The following EPHA4 variants were observed in gnomAD, a reference collection of about 807,000 sequenced individuals.
EPHA4 encodes ephrin type-A receptor 4.
In EPHA4, 19 loss-of-function variants were observed where a neutral mutation model predicts 108.3. That is an observed-to-expected ratio of 0.18 (90% CI 0.12 to 0.26). The LOEUF (loss-of-function observed/expected upper bound fraction) is 0.26, where lower values mean the gene tolerates loss of function less well. EPHA4 is among the 10% of genes least tolerant of loss of function. The pLI is 1.00. For synonymous variants in EPHA4, 449 were observed against 455.5 expected (o/e 0.99, Z 0.18); for missense variants, 917 against 1,254.0 (o/e 0.73, Z 4.06).
intron 8 of EPHA4, 118 bp downstream of exon 8, chr2:221,455,429 G>A (rs1690914529): frequency 1.4e-6 from 1 of 738,980 alleles, no homozygotes. Context: ...GGAAACTTGG[G>A]ATGCAGATGC....
At chr2:221,532,179 G>C (rs1396556036) in intron 3 of EPHA4, among the ~76,000 whole-genome samples, 2 of 151,664 alleles carry the variant, frequency 1.3e-5, no homozygotes, top group African/African-American at 4.8e-5. Context: ...CTGGAGTGCA[G>C]TGGCATGATC....
chr2:221,456,264 A>G (rs1453599545), intron 7 of EPHA4, among the ~76,000 whole-genome samples: 2 of 152,062 alleles, frequency 1.3e-5, no homozygotes, highest in Non-Finnish European at 2.9e-5. Flanking sequence ...TAATCTTCTC[A>G]GGGAGAAAAT....
chr2:221,432,642 G>A (rs549072591), intron 14 of EPHA4, among the ~76,000 whole-genome samples: 4 of 144,826 alleles, frequency 2.8e-5, no homozygotes, highest in African/African-American at 7.7e-5. Flanking sequence ...CTATTGCACC[G>A]AACATTTTTT....
In EPHA4 at chr2:221,522,126, C is replaced by A. The variant is rs145625361; in HGVS notation, c.824-20954G>T. On this transcript the variant is annotated intron_variant, in intron 3 of 17. Coordinates refer to ENST00000281821, the MANE Select transcript of EPHA4 (RefSeq NM_004438.5). Reference sequence around the variant, plus strand: ...ATATGCATTCTCATTTAATTCTCACCATTTTCCCTTGATATAGACATTGCC... The same window carrying A: ...ATATGCATTCTCATTTAATTCTCACAATTTTCCCTTGATATAGACATTGCC... Among the ~76,000 whole-genome samples the A allele has an allele frequency of 4.6e-3, 700 of 152,284 alleles. 1 individual carries two copies. The highest frequency in any genetic ancestry group is 0.014 in the Middle Eastern group (4 of 294).
At chr2:221,455,452 G>A (rs910029017) in intron 8 of EPHA4, 95 bp downstream of exon 8, 50 of 929,058 alleles carry the variant, frequency 5.4e-5, no homozygotes, top group Admixed American at 1.3e-4. Flanking sequence ...AGTTTATGAC[G>A]CAATCAAAAG....
chr2:221,535,532 T>G (rs1167821562), intron 3 of EPHA4, among the ~76,000 whole-genome samples: 2 of 152,218 alleles, frequency 1.3e-5, no homozygotes, highest in Non-Finnish European at 2.9e-5. Context: ...AAACCACCTA[T>G]CTACAAAGCA....
chr2:221,483,249 C>G (rs1317371622), intron 4 of EPHA4, among the ~76,000 whole-genome samples: 1 of 152,028 alleles, frequency 6.6e-6, no homozygotes, highest in Non-Finnish European at 1.5e-5. Context: ...AACGCGGTTG[C>G]AGAGATGTTG....
intron 3 of EPHA4, among the ~76,000 whole-genome samples, chr2:221,526,183 T>C (rs916312826): frequency 6.6e-6 from 1 of 152,168 alleles, no homozygotes; most frequent in African/African-American, 2.4e-5. Context: ...TGAGTAAATA[T>C]GGCTAATAAG....
chr2:221,549,405 GTCTC>G (rs149084369), intron 3 of EPHA4, among the ~76,000 whole-genome samples: 2 of 151,936 alleles, frequency 1.3e-5, no homozygotes, highest in Non-Finnish European at 1.5e-5. Context: ...TTATTTCTTG[GTCTC>G]TCTCTCTCAT....
intron 3 of EPHA4, among the ~76,000 whole-genome samples, chr2:221,512,734 T>G (rs1692865874): frequency 6.6e-6 from 1 of 152,240 alleles, no homozygotes; most frequent in African/African-American, 2.4e-5. Flanking sequence ...ATTAGGTATG[T>G]GCATTTATTC....
chr2:221,528,193 G>C (rs992777879), intron 3 of EPHA4, among the ~76,000 whole-genome samples: 1 of 152,150 alleles, frequency 6.6e-6, no homozygotes, highest in African/African-American at 2.4e-5. Context: ...CGTCTCTTAG[G>C]TGAAAGAGCA....
At chr2:221,551,184 C>G (rs1694148505) in intron 3 of EPHA4, among the ~76,000 whole-genome samples, 1 of 151,954 alleles carries the variant, frequency 6.6e-6, no homozygotes, top group Admixed American at 6.6e-5. Flanking sequence ...TATTTGCTCT[C>G]TAGAAAACTC....
intron 3 of EPHA4, among the ~76,000 whole-genome samples, chr2:221,517,682 C>T (rs1479402529): frequency 6.6e-6 from 1 of 152,124 alleles, no homozygotes; most frequent in East Asian, 1.9e-4. Flanking sequence ...AAGTGACATA[C>T]AAAGCAAATT....
intron 3 of EPHA4, among the ~76,000 whole-genome samples, chr2:221,552,394 G>C (rs1694187634): frequency 6.6e-6 from 1 of 152,152 alleles, no homozygotes; most frequent in Non-Finnish European, 1.5e-5. Flanking sequence ...ATGGCCAGCG[G>C]AGAAGCGATC....
chr2:221,443,522 C>T lies in EPHA4; in HGVS notation c.1859G>A (p.Cys620Tyr), dbSNP rs1238575951. 1 of 1,613,844 alleles carries T rather than the reference C, an allele frequency of 6.2e-7. No individual in the cohort carries two copies. The highest frequency in any genetic ancestry group is 2.2e-5 in the East Asian group (1 of 44,850). The change falls in exon 10 of 18, where the codon TGC becomes TAC. Residue 620 changes from cysteine (C) to tyrosine (Y), a missense_variant. By Grantham distance (194) the Cys-to-Tyr change is radical. Around this residue, in one of 3 missense-constraint regions of EPHA4, gnomAD observed 758 missense variants for 1,076.7 expected, o/e 0.70. Coordinates refer to ENST00000281821, the MANE Select transcript of EPHA4 (RefSeq NM_004438.5). ...REFAKEIDASCIKIEKVIGVG... is the reference protein window; with the variant it reads ...REFAKEIDASYIKIEKVIGVG... ...TCCTATAACTTTTTCAATCTTAATG[C>T]AGGATGCGTCAATTTCTTTGGCAAA...
chr2:221,573,737 G>A (rs550130901), upstream of EPHA4: 2 of 152,348 alleles, frequency 1.3e-5, no homozygotes, highest in African/African-American at 2.4e-5. The surrounding 1 kb of genome is among the most constrained non-coding windows in gnomAD (Gnocchi z 4.5). Flanking sequence ...CGGAGGAAGG[G>A]CGAGCGGACA....
intron 4 of EPHA4, among the ~76,000 whole-genome samples, chr2:221,487,996 G>T (rs1692027503): frequency 6.6e-6 from 1 of 152,018 alleles, no homozygotes; most frequent in Admixed American, 6.6e-5. Context: ...ACAGGGGCCG[G>T]CATAATTTCT....
Position 221,477,089 on chromosome 2 carries a change from T to C in EPHA4, c.1318+5263A>G, listed in dbSNP as rs180700440. ...ATTATTATTATTTTGCAGTTAATGC[T>C]TAATTGTCCAACCCTAGAGAACAAG... On this transcript the variant is annotated intron_variant, in intron 5 of 17. Transcript: ENST00000281821. Among the ~76,000 whole-genome samples the C allele has an allele frequency of 6.5e-4, 99 of 152,010 alleles. 1 individual carries two copies. The highest frequency in any genetic ancestry group is 2.0e-3 in the African/African-American group (82 of 41,486).
chr2:221,465,646 C>G (rs906327480), intron 5 of EPHA4, among the ~76,000 whole-genome samples: 6 of 152,032 alleles, frequency 3.9e-5, no homozygotes, highest in Non-Finnish European at 8.8e-5. Flanking sequence ...AGTGATTTCC[C>G]CTCTTCTAGA....
Sources: gnomAD v4.1 joint callset for allele counts (sites outside exome capture counted in the v4.1 genomes callset) on GRCh38, gnomAD v4.1.1 for gene constraint, gnomAD v4.1.1 regional missense constraint, Gnocchi (gnomAD v3.1) non-coding constraint, MANE v1.5 for transcripts, NCBI Gene and HGNC (gene_info 2026-07-23, HGNC 2026-07-21) for gene names.